The following FAM117A variants were observed in gnomAD, a reference collection of about 807,000 sequenced individuals.
The protein encoded by FAM117A is family with sequence similarity 117 member A.
A neutral mutation model predicts 44.1 loss-of-function variants in FAM117A; 21 were observed. That is an observed-to-expected ratio of 0.48 (90% CI 0.34 to 0.69). The LOEUF (loss-of-function observed/expected upper bound fraction) is 0.69, where lower values mean the gene tolerates loss of function less well. Ranked by LOEUF, FAM117A falls within the 30% of genes least tolerant of loss-of-function variation. The pLI is 0.01. For synonymous variants in FAM117A, 220 were observed against 238.3 expected (o/e 0.92, Z 0.71); for missense variants, 498 against 589.9 (o/e 0.84, Z 1.61).
At chr17:49,723,720 G>A (rs1473671691) in intron 2 of FAM117A, among the ~76,000 whole-genome samples, 3 of 152,232 alleles carry the variant, frequency 2.0e-5, no homozygotes, top group South Asian at 4.1e-4. Flanking sequence ...GAGCTCGGCG[G>A]GGGAGTCTGA....
intron 1 of FAM117A, among the ~76,000 whole-genome samples, chr17:49,758,066 C>T (rs543555831): frequency 2.0e-5 from 3 of 152,300 alleles, no homozygotes; most frequent in South Asian, 4.1e-4. Flanking sequence ...TGGTGGCTCA[C>T]GCCTGTAATC....
intron 1 of FAM117A, among the ~76,000 whole-genome samples, chr17:49,757,386 CA>C (rs2073703236): frequency 1.3e-5 from 2 of 152,190 alleles, no homozygotes; most frequent in Non-Finnish European, 2.9e-5. Flanking sequence ...TGATTAGCTG[CA>C]GTGCTCCCAC....
At chr17:49,741,840 G>A (rs2073635762) in intron 1 of FAM117A, among the ~76,000 whole-genome samples, 1 of 152,172 alleles carries the variant, frequency 6.6e-6, no homozygotes, top group African/African-American at 2.4e-5. Context: ...CTGTGGTCCA[G>A]TGCTGCTTAA....
At chr17:49,788,322 G>T (rs1225498541) in intron 1 of FAM117A, among the ~76,000 whole-genome samples, 3 of 152,104 alleles carry the variant, frequency 2.0e-5, no homozygotes, top group African/African-American at 7.2e-5. Context: ...ATCAGGCTAC[G>T]AAGGGGTTAA....
At chr17:49,778,478 T>G (rs867277331) in intron 1 of FAM117A, among the ~76,000 whole-genome samples, 7 of 152,272 alleles carry the variant, frequency 4.6e-5, no homozygotes, top group Non-Finnish European at 7.3e-5. Flanking sequence ...AGCCTCTATC[T>G]TTTCACAATC....
chr17:49,764,854 AC>A (rs1163920790), upstream of FAM117A, among the ~76,000 whole-genome samples: 2 of 152,314 alleles, frequency 1.3e-5, no homozygotes, highest in African/African-American at 4.8e-5. Context: ...CCTTAAAAAA[AC>A]AATTGCTAGC....
chr17:49,742,218 C>T (rs954736743), intron 1 of FAM117A, among the ~76,000 whole-genome samples: 1 of 152,150 alleles, frequency 6.6e-6, no homozygotes, highest in African/African-American at 2.4e-5. Context: ...TTTAAGTGTA[C>T]AGCTTAAGTG....
At chr17:49,761,108 T>C (rs1207044253) in intron 1 of FAM117A, among the ~76,000 whole-genome samples, 1 of 152,164 alleles carries the variant, frequency 6.6e-6, no homozygotes, top group Non-Finnish European at 1.5e-5. Flanking sequence ...GGATGTGTGG[T>C]GGGGAGATAA....
intron 1 of FAM117A, among the ~76,000 whole-genome samples, chr17:49,739,650 G>A (rs2143749296): frequency 6.6e-6 from 1 of 152,360 alleles, no homozygotes; most frequent in South Asian, 2.1e-4. Flanking sequence ...ACGGTTGCTT[G>A]TGGTTGGAAG....
intron 1 of FAM117A, among the ~76,000 whole-genome samples, chr17:49,736,934 C>T (rs1482740908): frequency 6.6e-6 from 1 of 152,192 alleles, no homozygotes; most frequent in Non-Finnish European, 1.5e-5. Context: ...CTGTGTATCC[C>T]CCACAATGTC....
In FAM117A at chr17:49,730,874, T is replaced by C. The variant is rs2073581758; in HGVS notation, c.366+1677A>G. 2.0e-5 allele frequency among the ~76,000 whole-genome samples: 3 copies of C among 152,316 alleles called. No individual in the cohort carries two copies. In the South Asian group the frequency reaches 6.2e-4, roughly 32 times the overall value. ...GATTTTAACTGCAGCAAATTCTTGTTGATTCAAGGTGGGGTATTCCCATGA... is the reference window on the plus strand; with the variant it reads ...GATTTTAACTGCAGCAAATTCTTGTCGATTCAAGGTGGGGTATTCCCATGA... On this transcript the variant is annotated intron_variant, in intron 2 of 7. Coordinates refer to ENST00000240364, the MANE Select transcript of FAM117A (RefSeq NM_030802.4).
chr17:49,768,921 A>T (rs1349177928), upstream of FAM117A, among the ~76,000 whole-genome samples: 3 of 151,896 alleles, frequency 2.0e-5, no homozygotes, highest in African/African-American at 7.3e-5. Context: ...CTTCATTCAG[A>T]CTGGCTGACA....
intron 1 of FAM117A, among the ~76,000 whole-genome samples, chr17:49,748,158 G>C (rs2073660919): frequency 6.6e-6 from 1 of 152,076 alleles, no homozygotes; most frequent in African/African-American, 2.4e-5. Context: ...CTGAAATCAG[G>C]GATGCTTAAC....
chr17:49,788,736 G>T, upstream of FAM117A: 1 of 1,344,688 alleles, frequency 7.4e-7, no homozygotes, highest in Non-Finnish European at 1.0e-6. Context: ...CCGCAGGATT[G>T]GGACTGATAC....
Position 49,763,988 on chromosome 17 carries a change from C to G in FAM117A, c.100G>C (p.Ala34Pro). ...LRRGCSPPAPAGSPRAGLQPL... is the reference protein window; with the variant it reads ...LRRGCSPPAPPGSPRAGLQPL... ...TGCAGCCCAGCCCGGGGGGAGCCGG[C>G]GGGGGCTGGGGGAGAGCAGCCCCGC... The change falls in exon 1 of 8, where the codon GCC (alanine) becomes CCC (proline). Residue 34 changes from alanine (A) to proline (P), a missense_variant. This residue lies in a region of FAM117A where 270 missense variants were observed against 277.4 expected (regional missense o/e 0.97). Transcript: ENST00000240364. 8.2e-7 allele frequency: 1 copy of G among 1,216,480 alleles called. No individual in the cohort carries two copies. Among genetic ancestry groups the G allele is most frequent in the Non-Finnish European group, 1.0e-6 (1 of 977,414 alleles). The allele number at this position is 1,216,480 out of a possible 1,614,324, so 75.4% of individuals were successfully genotyped here.
chr17:49,772,264 C>T (rs1439365877), intron 1 of FAM117A, among the ~76,000 whole-genome samples: 1 of 151,436 alleles, frequency 6.6e-6, no homozygotes, highest in Non-Finnish European at 1.5e-5. Flanking sequence ...TACATTCTAG[C>T]CTGGGCAACT....
At chr17:49,722,345 G>A (rs1329504007) in intron 3 of FAM117A, among the ~76,000 whole-genome samples, 154 bp downstream of exon 3, 1 of 152,212 alleles carries the variant, frequency 6.6e-6, no homozygotes, top group African/African-American at 2.4e-5. Context: ...GAGAGTGGGA[G>A]TCAGCTAGGA....
intron 1 of FAM117A, among the ~76,000 whole-genome samples, chr17:49,772,954 G>A (rs1363028358): frequency 6.6e-6 from 1 of 151,846 alleles, no homozygotes; most frequent in Non-Finnish European, 1.5e-5. Flanking sequence ...GGAGGATCAC[G>A]AGGTCAAGAG....
At chr17:49,778,201 G>A (rs1281501161) in intron 1 of FAM117A, among the ~76,000 whole-genome samples, 4 of 152,090 alleles carry the variant, frequency 2.6e-5, no homozygotes, top group African/African-American at 9.7e-5. Flanking sequence ...GTGAATAATT[G>A]CATACTACCT....
Sources: allele counts gnomAD v4.1 joint callset (sites outside exome capture counted in the v4.1 genomes callset), GRCh38; gene constraint gnomAD v4.1.1; regional missense constraint gnomAD v4.1.1; transcripts MANE v1.5; gene names NCBI Gene and HGNC (gene_info 2026-07-23, HGNC 2026-07-21).